EIF4EBP2: variants seen among roughly 807,000 people sequenced by gnomAD.
EIF4EBP2 encodes eukaryotic translation initiation factor 4E binding protein 2.
A neutral mutation model predicts 10.3 loss-of-function variants in EIF4EBP2; 5 were observed. The observed-to-expected ratio is 0.48, with a 90% CI of 0.25 to 1.02. The LOEUF (loss-of-function observed/expected upper bound fraction) is 1.02, where lower values mean the gene tolerates loss of function less well. Among genes scored for constraint, EIF4EBP2 ranks in the 50% least tolerant of loss-of-function variants. The pLI is 0.15. For synonymous variants in EIF4EBP2, 67 were observed against 61.1 expected, an observed-to-expected ratio of 1.10 and a Z score of -0.45; for missense variants, 188 against 162.2, an observed-to-expected ratio of 1.16 and a Z score of -0.86.
At chr10:70,420,245 G>T in intron 2 of EIF4EBP2, 146 bp downstream of exon 2, 1 of 760,786 alleles carries the variant, frequency 1.3e-6, no homozygotes, top group Non-Finnish European at 2.0e-6. Context: ...TGTCACTGAG[G>T]CTGGAGTGCA....
intron 1 of EIF4EBP2, among the ~76,000 whole-genome samples, chr10:70,409,131 G>A (rs1170028984): frequency 6.6e-6 from 1 of 152,176 alleles, no homozygotes; most frequent in Non-Finnish European, 1.5e-5. Context: ...GCTTACCCTT[G>A]AGCTTTCTCA....
chr10:70,418,323 G>T (rs922004617), intron 1 of EIF4EBP2, among the ~76,000 whole-genome samples: 13 of 152,228 alleles, frequency 8.5e-5, no homozygotes, highest in Admixed American at 8.5e-4. Context: ...AATTTCTGTT[G>T]TTTAAGTTGT....
At chr10:70,407,049 C>G (rs1475559946) in intron 1 of EIF4EBP2, among the ~76,000 whole-genome samples, 2 of 152,116 alleles carry the variant, frequency 1.3e-5, no homozygotes, top group African/African-American at 4.8e-5. Context: ...AGGCGTCCAC[C>G]ACCACGCCCA....
Position 70,425,589 on chromosome 10 carries a change from G to A in EIF4EBP2, c.*3842G>A, listed in dbSNP as rs1036509220. ...CTACCTGCTGGTTTTGAGAGGGGTG[G>A]TAAGACATGGCAATTCCCAGGAGTA... On this transcript the variant is annotated 3_prime_UTR_variant, in exon 3 of 3. Transcript: ENST00000373218. The A allele has an allele frequency of 4.6e-5, 7 of 152,218 alleles. No individual in the cohort carries two copies. The highest frequency in any genetic ancestry group is 1.7e-4 in the African/African-American group (7 of 41,448). 9.4% of individuals were successfully genotyped at this position (152,218 alleles called of 1,614,324 possible).
intron 1 of EIF4EBP2, among the ~76,000 whole-genome samples, chr10:70,410,634 A>G (rs1320239447): frequency 1.3e-5 from 2 of 152,246 alleles, no homozygotes; most frequent in Non-Finnish European, 2.9e-5. Context: ...ACCTTGTTCT[A>G]CCTTCCTAAG....
intron 1 of EIF4EBP2, among the ~76,000 whole-genome samples, chr10:70,416,887 G>A (rs1461775680): frequency 6.6e-6 from 1 of 151,876 alleles, no homozygotes; most frequent in African/African-American, 2.4e-5. Context: ...GGCTGGTCTT[G>A]AACTTGTGAG....
rs1486907615 is a variant in EIF4EBP2 at position 70,425,042 on chromosome 10, A to G, written c.*3295A>G. 1 of 152,266 alleles carries G rather than the reference A, an allele frequency of 6.6e-6. No individual in the cohort carries two copies. The highest frequency in any genetic ancestry group is 2.4e-5 in the African/African-American group (1 of 41,478). The allele number at this position is 152,266 out of a possible 1,614,324, so 9.4% of individuals were successfully genotyped here. A position where few individuals can be genotyped will look rare whatever the true frequency, so the allele number is the denominator to read the frequency against. ...TAACATGATGGTTCTGGCCCATGGT[A>G]TCATGAAGTTACAGTCAAGATTGAA... On this transcript the variant is annotated 3_prime_UTR_variant, in exon 3 of 3. Coordinates refer to ENST00000373218, the MANE Select transcript of EIF4EBP2 (RefSeq NM_004096.5).
At chr10:70,417,995 G>A (rs1845114915) in intron 1 of EIF4EBP2, among the ~76,000 whole-genome samples, 1 of 152,202 alleles carries the variant, frequency 6.6e-6, no homozygotes, top group Admixed American at 6.5e-5. Context: ...GTTAGAAAGG[G>A]TGTTAAGGGT....
chr10:70,413,763 C>T (rs1434490624), intron 1 of EIF4EBP2, among the ~76,000 whole-genome samples: 2 of 151,914 alleles, frequency 1.3e-5, no homozygotes, highest in African/African-American at 4.8e-5. Context: ...CATAACTTTC[C>T]AATATAAGAC....
chr10:70,404,481 C>T lies in EIF4EBP2; in HGVS notation c.80C>T (p.Ala27Val). ...ACCCGCACCGTGGCCATCAGCGACG[C>T]CGCGCAGCTACCTCATGACTATTGC... is the stretch of plus-strand genomic sequence containing the variant. ...IPTRTVAISD[A>V]AQLPHDYCTT... The change falls in exon 1 of 3, where the codon GCC becomes GTC. Residue 27 changes from alanine to valine, a missense_variant. Ala to Val is a moderately conservative substitution (Grantham distance 64, BLOSUM62 0). Transcript: ENST00000373218. 6.2e-7 allele frequency: 1 copy of T among 1,600,300 alleles called. No homozygotes were observed. Among genetic ancestry groups the T allele is most frequent in the Non-Finnish European group, 8.5e-7 (1 of 1,175,500 alleles).
At chr10:70,407,703 G>A (rs11497995) in intron 1 of EIF4EBP2, among the ~76,000 whole-genome samples, 29,340 of 138,414 alleles carry the variant, frequency 0.21, 3,420 homozygotes, top group Non-Finnish European at 0.26. Context: ...GGGCAGAGGC[G>A]CCGCTCACCT....
chr10:70,422,318 C>T lies in EIF4EBP2; in HGVS notation c.*571C>T, dbSNP rs1206515711. The T allele has an allele frequency of 6.6e-6, 1 of 152,586 alleles. No homozygotes were observed. The highest frequency in any genetic ancestry group is 1.5e-5 in the Non-Finnish European group (1 of 68,306). 9.5% of individuals were successfully genotyped at this position (152,586 alleles called of 1,614,324 possible). On this transcript the variant is annotated 3_prime_UTR_variant, in exon 3 of 3. Coordinates refer to ENST00000373218, the MANE Select transcript of EIF4EBP2 (RefSeq NM_004096.5). ...CCCTTTTACCTTGAGGTATTCGTCC[C>T]TCGGGACAGAGCACAGCTTGTGCAA...
intron 1 of EIF4EBP2, among the ~76,000 whole-genome samples, chr10:70,409,712 T>G (rs2137224978): frequency 6.6e-6 from 1 of 152,352 alleles, no homozygotes; most frequent in Middle Eastern, 3.4e-3. Flanking sequence ...AACTGCCCCC[T>G]TTTAGAAGAG....
At chr10:70,405,713 T>A (rs1175361171) in intron 1 of EIF4EBP2, among the ~76,000 whole-genome samples, 1 of 152,116 alleles carries the variant, frequency 6.6e-6, no homozygotes, top group Non-Finnish European at 1.5e-5. Flanking sequence ...TTAAATCAGT[T>A]GCACAATAGC....
At position 70,404,225 on chromosome 10, in the gene EIF4EBP2, G is replaced by T. The variant is rs1416973112; in HGVS notation, c.-177G>T. Among the ~76,000 whole-genome samples, 1 of 152,188 alleles carries T rather than the reference G, an allele frequency of 6.6e-6. No homozygotes were observed. The highest frequency in any genetic ancestry group is 2.4e-5 in the African/African-American group (1 of 41,468). ...GGCTGAGGCCGGAGGATCGAGCGGC[G>T]GCGGCGGCGGCGGCTGAGAGGGCGG... On this transcript the variant is annotated 5_prime_UTR_variant, in exon 1 of 3. Transcript: ENST00000373218.
At chr10:70,408,474 T>G (rs1156855435) in intron 1 of EIF4EBP2, among the ~76,000 whole-genome samples, 1 of 152,228 alleles carries the variant, frequency 6.6e-6, no homozygotes. Context: ...CATGGTGCCG[T>G]TGCAGTTGGA....
rs767922776 is a variant in EIF4EBP2, at chr10:70,404,416, C to A, written c.15C>A (p.Ala5=). MSSS[A]GSGHQPSQSR... ...CGCCCACAGCCATGTCCTCGTCAGC[C>A]GGCAGCGGCCACCAGCCCAGCCAGA... is the stretch of plus-strand genomic sequence containing the variant. Residue 5 remains alanine, a synonymous_variant, in exon 1 of 3, where the codon GCC becomes GCA. Transcript: ENST00000373218. 6.3e-7 allele frequency: 1 copy of A among 1,587,888 alleles called. No individual in the cohort carries two copies. Among genetic ancestry groups the A allele is most frequent in the Non-Finnish European group, 8.5e-7 (1 of 1,170,178 alleles).
At chr10:70,411,941 G>C (rs900784582) in intron 1 of EIF4EBP2, among the ~76,000 whole-genome samples, 5 of 152,156 alleles carry the variant, frequency 3.3e-5, no homozygotes, top group African/African-American at 1.2e-4. Context: ...ATTGAATGCA[G>C]ATGTGGCTGA....
chr10:70,406,779 A>T (rs2137222214), intron 1 of EIF4EBP2, among the ~76,000 whole-genome samples: 1 of 152,226 alleles, frequency 6.6e-6, no homozygotes, highest in Non-Finnish European at 1.5e-5. Context: ...TTCCCCCGAC[A>T]TTGTTTCTAC....
Sources: gnomAD v4.1 joint callset for allele counts (sites outside exome capture counted in the v4.1 genomes callset) on GRCh38, gnomAD v4.1.1 for gene constraint, MANE v1.5 for transcripts, NCBI Gene and HGNC (gene_info 2026-07-23, HGNC 2026-07-21) for gene names.